The following TOX2 variants were observed in gnomAD, a reference collection of about 807,000 sequenced individuals.
TOX2 encodes granulosa cell HMG box 1.
A neutral mutation model predicts 47.4 loss-of-function variants in TOX2; 15 were observed. The ratio of observed to expected loss-of-function variants is 0.32; its 90% CI spans 0.21 to 0.49. The LOEUF (loss-of-function observed/expected upper bound fraction) is 0.49. TOX2 is among the 20% of genes least tolerant of loss of function. The pLI is 0.99. For missense variants in TOX2, 622 were observed against 673.1 expected (o/e 0.92, Z 0.84); for synonymous variants, 290 against 296.6 (o/e 0.98, Z 0.23).
At chr20:44,000,751 G>A (rs1005021248) in intron 2 of TOX2, among the ~76,000 whole-genome samples, 1 of 152,028 alleles carries the variant, frequency 6.6e-6, no homozygotes, top group Non-Finnish European at 1.5e-5. Context: ...AACCAACAAA[G>A]GACATACAGA....
chr20:44,017,039 G>T (rs1358006804), intron 3 of TOX2, among the ~76,000 whole-genome samples: 1 of 152,256 alleles, frequency 6.6e-6, no homozygotes, highest in Non-Finnish European at 1.5e-5. Context: ...ACCAGCCTGG[G>T]ATGGCCTGAA....
At chr20:43,941,645 CT>C (rs2069404233) in intron 1 of TOX2, among the ~76,000 whole-genome samples, 1 of 152,146 alleles carries the variant, frequency 6.6e-6, no homozygotes, top group Non-Finnish European at 1.5e-5. Flanking sequence ...AAGCCCTGTT[CT>C]TTTTATTTGC....
intron 3 of TOX2, chr20:44,039,168 G>A (rs1334902057): frequency 1.6e-6 from 2 of 1,268,736 alleles, no homozygotes; most frequent in Non-Finnish European, 2.1e-6. Context: ...GGCTTGGAAA[G>A]AGGGTGAGGC....
At chr20:44,017,645 C>T (rs2070902819) in intron 3 of TOX2, among the ~76,000 whole-genome samples, 1 of 152,232 alleles carries the variant, frequency 6.6e-6, no homozygotes, top group Admixed American at 6.5e-5. Context: ...TTATTTATAA[C>T]TGTCATGTAA....
At chr20:44,046,633 C>T (rs1277750653) in intron 3 of TOX2, among the ~76,000 whole-genome samples, 1 of 152,218 alleles carries the variant, frequency 6.6e-6, no homozygotes, top group Non-Finnish European at 1.5e-5. Context: ...GAAGAAAGTT[C>T]TGATTCAGCT....
At chr20:44,062,027 T>G (rs936294530) in intron 5 of TOX2, among the ~76,000 whole-genome samples, 1 of 151,764 alleles carries the variant, frequency 6.6e-6, no homozygotes, top group East Asian at 1.9e-4. Context: ...TTACACTGAA[T>G]GGGGAAAAGT....
chr20:43,991,774 G>A (rs1453248082), intron 2 of TOX2, among the ~76,000 whole-genome samples: 2 of 151,948 alleles, frequency 1.3e-5, no homozygotes, highest in East Asian at 3.9e-4. Flanking sequence ...CTCCTGAGTA[G>A]CTGGGATTAC....
chr20:44,028,225 TAGGGGTGA>T (rs890694787), intron 3 of TOX2, among the ~76,000 whole-genome samples: 53 of 150,848 alleles, frequency 3.5e-4, no homozygotes, highest in African/African-American at 1.3e-3. Flanking sequence ...CAAAAGTGAG[TAGGGGTGA>T]AGGAGGCCAA....
chr20:44,018,898 G>A (rs1410731438), intron 3 of TOX2, among the ~76,000 whole-genome samples: 1 of 152,126 alleles, frequency 6.6e-6, no homozygotes, highest in African/African-American at 2.4e-5. Context: ...GGAGTCTGGG[G>A]TCCTGGGTGC....
intron 1 of TOX2, among the ~76,000 whole-genome samples, chr20:43,949,198 G>A (rs527533369): frequency 6.6e-6 from 1 of 152,328 alleles, no homozygotes; most frequent in South Asian, 2.1e-4. Flanking sequence ...ACAAATGTGG[G>A]ATCATCTTTG....
chr20:43,955,346 G>T, intron 1 of TOX2: 5 of 974,918 alleles, frequency 5.1e-6, no homozygotes, highest in Non-Finnish European at 6.1e-6. Flanking sequence ...CGCAGAGCCT[G>T]AAACCCGTTG....
At chr20:44,051,162 T>G in intron 3 of TOX2, 144 bp from the exon 4 acceptor site, 399 of 1,257,802 alleles carry the variant, frequency 3.2e-4, no homozygotes, top group Non-Finnish European at 4.0e-4. Flanking sequence ...GGCTCCATCT[T>G]GAGATTCACC....
intron 1 of TOX2, among the ~76,000 whole-genome samples, chr20:43,960,141 G>A (rs1268353110): frequency 6.6e-6 from 1 of 152,224 alleles, no homozygotes; most frequent in African/African-American, 2.4e-5. Flanking sequence ...TCAATTAAGA[G>A]TGCCTGGCTT....
chr20:43,919,051 G>A (rs984253387), intron 1 of TOX2, among the ~76,000 whole-genome samples: 1 of 152,166 alleles, frequency 6.6e-6, no homozygotes, highest in Non-Finnish European at 1.5e-5. Flanking sequence ...AGGGATGAAG[G>A]CCTTCATCAA....
chr20:44,065,946 A>G lies in TOX2; in HGVS notation c.1195A>G (p.Ser399Gly). Reference protein sequence around the residue: ...SPPPPPSFPLSPTLHQQLSLP... With the variant: ...SPPPPPSFPLGPTLHQQLSLP... ...GCCGCCGCCACCCTCCTTCCCGCTCAGCCCCACACTGCACCAGCAGCTGTC... is the reference window on the plus strand; with the variant it reads ...GCCGCCGCCACCCTCCTTCCCGCTCGGCCCCACACTGCACCAGCAGCTGTC... Residue 399 changes from serine to glycine, a missense_variant, in exon 7 of 9, where the codon AGC (serine) becomes GGC (glycine). This residue lies in a region of TOX2 where 294 missense variants were observed against 300.0 expected (regional missense o/e 0.98). Coordinates refer to ENST00000341197, the MANE Select transcript of TOX2 (RefSeq NM_001098797.2). The G allele has an allele frequency of 6.2e-7, 1 of 1,612,756 alleles. No homozygotes were observed. Among genetic ancestry groups the G allele is most frequent in the Non-Finnish European group, 8.5e-7 (1 of 1,179,440 alleles).
At chr20:44,025,613 A>T (rs946957244) in intron 3 of TOX2, among the ~76,000 whole-genome samples, 8 of 11,984 alleles carry the variant, frequency 6.7e-4, no homozygotes, top group African/African-American at 2.9e-3. Flanking sequence ...ACTTTTTAAA[A>T]ATCTGAACTA....
At chr20:44,068,529 C>A in intron 8 of TOX2, 121 bp from the exon 9 acceptor site, 40 of 1,071,736 alleles carry the variant, frequency 3.7e-5, no homozygotes, top group Admixed American at 7.9e-5. Context: ...GTCCCTCATT[C>A]AGCCACAGAG....
chr20:44,049,912 C>T (rs983781597), intron 3 of TOX2, among the ~76,000 whole-genome samples: 2 of 152,102 alleles, frequency 1.3e-5, no homozygotes, highest in Admixed American at 6.5e-5. Flanking sequence ...GGGCTGATTC[C>T]GTGTCTTTGC....
chr20:43,988,329 A>G (rs1185630541), intron 2 of TOX2, among the ~76,000 whole-genome samples: 1 of 152,204 alleles, frequency 6.6e-6, no homozygotes, highest in Non-Finnish European at 1.5e-5. Context: ...GAAGATGTCT[A>G]AGTTTCTCTG....
Sources: gnomAD v4.1 joint callset for allele counts (sites outside exome capture counted in the v4.1 genomes callset) on GRCh38, gnomAD v4.1.1 for gene constraint, gnomAD v4.1.1 regional missense constraint, MANE v1.5 for transcripts, NCBI Gene and HGNC (gene_info 2026-07-23, HGNC 2026-07-21) for gene names.